Variants in DRC11 observed in about 807,000 individuals in gnomAD.
DRC11 encodes the protein IQ and AAA domain-containing protein 1.
chr2:236,490,916 GTATA>G, the DRC11 span, among the ~76,000 whole-genome samples: 1 of 143,352 alleles, frequency 7.0e-6, no homozygotes, highest in African/African-American at 2.7e-5. The surrounding 1 kb of genome is among the most constrained non-coding windows in gnomAD (Gnocchi z 5.5). Flanking sequence ...GTGTGTGTGT[GTATA>G]TATATGTGTA....
the DRC11 span, among the ~76,000 whole-genome samples, chr2:236,464,101 A>G: frequency 1.3e-5 from 2 of 152,252 alleles, no homozygotes; most frequent in African/African-American, 4.8e-5. Flanking sequence ...AGAGCAGGAA[A>G]GGTGAGCAGG....
chr2:236,470,819 G>A, the DRC11 span, among the ~76,000 whole-genome samples: 1 of 152,014 alleles, frequency 6.6e-6, no homozygotes, highest in Non-Finnish European at 1.5e-5. This position sits in a 1 kb window ranked among gnomAD's most constrained non-coding sequence, Gnocchi z 5.1. Context: ...AACAATTTTA[G>A]TGGGCACAAA....
At chr2:236,499,304 C>T in the DRC11 span, among the ~76,000 whole-genome samples, 9 of 152,352 alleles carry the variant, frequency 5.9e-5, no homozygotes, top group South Asian at 1.9e-3. This position sits in a 1 kb window ranked among gnomAD's most constrained non-coding sequence, Gnocchi z 4.7. Flanking sequence ...AAGAACCAGG[C>T]TCCCACCTGG....
chr2:236,319,877 C>T, the DRC11 span, among the ~76,000 whole-genome samples: 1 of 152,198 alleles, frequency 6.6e-6, no homozygotes, highest in African/African-American at 2.4e-5. The surrounding 1 kb of genome is among the most constrained non-coding windows in gnomAD (Gnocchi z 6.7). Flanking sequence ...CCTGATCCCT[C>T]AGCCTAGGTA....
At chr2:236,459,526 C>CGTATAT in the DRC11 span, among the ~76,000 whole-genome samples, 6,099 of 75,346 alleles carry the variant, frequency 0.081, 334 homozygotes, top group Non-Finnish European at 0.11. Context: ...TACATGTATA[C>CGTATAT]ATGTATACGT....
chr2:236,331,169 T>C, the DRC11 span, among the ~76,000 whole-genome samples: 1 of 152,190 alleles, frequency 6.6e-6, no homozygotes, highest in African/African-American at 2.4e-5. The surrounding 1 kb of genome is among the most constrained non-coding windows in gnomAD (Gnocchi z 4.8). Flanking sequence ...ACACCATGGT[T>C]TTCCTAAAAT....
the DRC11 span, among the ~76,000 whole-genome samples, chr2:236,323,340 A>C: frequency 1.3e-5 from 2 of 152,086 alleles, no homozygotes; most frequent in Non-Finnish European, 2.9e-5. This position sits in a 1 kb window ranked among gnomAD's most constrained non-coding sequence, Gnocchi z 6.4. Context: ...ACATAATCTG[A>C]AGTGGGTAAG....
chr2:236,329,867 C>T, the DRC11 span, among the ~76,000 whole-genome samples: 7 of 151,962 alleles, frequency 4.6e-5, no homozygotes, highest in East Asian at 1.9e-4. Context: ...ATTCTCATCC[C>T]GGGTCATAAA....
At chr2:236,350,495 T>C in the DRC11 span, among the ~76,000 whole-genome samples, 1 of 152,224 alleles carries the variant, frequency 6.6e-6, no homozygotes, top group African/African-American at 2.4e-5. This position sits in a 1 kb window ranked among gnomAD's most constrained non-coding sequence, Gnocchi z 5.2. Flanking sequence ...CAGGACACCA[T>C]TTGCATCCTC....
the DRC11 span, among the ~76,000 whole-genome samples, chr2:236,321,894 A>C: frequency 6.6e-6 from 1 of 152,220 alleles, no homozygotes; most frequent in Non-Finnish European, 1.5e-5. Flanking sequence ...ACACTCATAC[A>C]ACGGGCCCCA....
At chr2:236,452,374 T>TAAGTAAG in the DRC11 span, among the ~76,000 whole-genome samples, 3 of 152,228 alleles carry the variant, frequency 2.0e-5, no homozygotes, top group Non-Finnish European at 4.4e-5. This position sits in a 1 kb window ranked among gnomAD's most constrained non-coding sequence, Gnocchi z 4.7. Flanking sequence ...TTTATCTGTG[T>TAAGTAAG]TTCATCAAGT....
the DRC11 span, among the ~76,000 whole-genome samples, chr2:236,313,294 CA>C: frequency 0.14 from 21,695 of 151,808 alleles, 3,993 homozygotes; most frequent in African/African-American, 0.42. This position sits in a 1 kb window ranked among gnomAD's most constrained non-coding sequence, Gnocchi z 4.5. Context: ...AATGATATAC[CA>C]AAAAAATACA....
the DRC11 span, among the ~76,000 whole-genome samples, chr2:236,377,380 C>T: frequency 6.6e-6 from 1 of 152,216 alleles, no homozygotes; most frequent in Non-Finnish European, 1.5e-5. The surrounding 1 kb of genome is among the most constrained non-coding windows in gnomAD (Gnocchi z 4.9). Flanking sequence ...AATACTTTCA[C>T]TCATCCATGT....
the DRC11 span, among the ~76,000 whole-genome samples, chr2:236,502,548 CAAAAAAAAAAAAAAAAAAAAA>C: frequency 6.0e-4 from 9 of 15,092 alleles, no homozygotes; most frequent in South Asian, 0.03. Context: ...TGCACTCCAG[CAAAAAAAAAAAAAAAAAAAAA>C]AAAAAAAAAA....
the DRC11 span, among the ~76,000 whole-genome samples, chr2:236,393,559 C>A: frequency 0.36 from 55,153 of 151,998 alleles, 10,340 homozygotes; most frequent in Non-Finnish European, 0.41. This position sits in a 1 kb window ranked among gnomAD's most constrained non-coding sequence, Gnocchi z 4.7. Flanking sequence ...AGCATAGAGA[C>A]GTTTCCCCAG....
At chr2:236,399,079 T>C in the DRC11 span, among the ~76,000 whole-genome samples, 14 of 151,796 alleles carry the variant, frequency 9.2e-5, no homozygotes, top group African/African-American at 3.1e-4. The surrounding 1 kb of genome is among the most constrained non-coding windows in gnomAD (Gnocchi z 7.0). Flanking sequence ...AAGCTCCGCC[T>C]CCTGGGTTCA....
chr2:236,498,402 T>C, the DRC11 span, among the ~76,000 whole-genome samples: 2 of 151,648 alleles, frequency 1.3e-5, no homozygotes, highest in East Asian at 3.9e-4. Context: ...GAGGTGGAGT[T>C]TGCAGTGACC....
chr2:236,346,689 G>A, the DRC11 span: 1 of 169,194 alleles, frequency 5.9e-6, no homozygotes, highest in African/African-American at 2.4e-5. Context: ...CACACACCAA[G>A]AATGTCAGGT....
At chr2:236,439,119 A>G in the DRC11 span, among the ~76,000 whole-genome samples, 1 of 150,970 alleles carries the variant, frequency 6.6e-6, no homozygotes, top group Non-Finnish European at 1.5e-5. Context: ...GAAAGCAGGA[A>G]AGATCCAAAA....
Sources: allele counts gnomAD v4.1 joint callset (sites outside exome capture counted in the v4.1 genomes callset), GRCh38; gene constraint gnomAD v4.1.1; non-coding constraint Gnocchi (gnomAD v3.1); transcripts MANE v1.5; gene names NCBI Gene and HGNC (gene_info 2026-07-23, HGNC 2026-07-21).